Variants in JHY observed in about 807,000 individuals in gnomAD.
The protein encoded by JHY is junctional cadherin complex regulator.
Under a neutral mutation model 78.0 loss-of-function variants are expected in JHY, and 69 were observed. That is an observed-to-expected ratio of 0.88 (90% CI 0.73 to 1.08). The LOEUF is 1.08. Ranked by LOEUF, JHY falls within the 50% of genes least tolerant of loss-of-function variation. The pLI is 0.00. For synonymous variants in JHY, 368 were observed against 342.6 expected (o/e 1.07, Z -0.82); for missense variants, 944 against 927.8 (o/e 1.02, Z -0.23).
intron 5 of JHY, among the ~76,000 whole-genome samples, chr11:122,941,198 C>T (rs1863868499): frequency 6.6e-6 from 1 of 152,180 alleles, no homozygotes; most frequent in Admixed American, 6.5e-5. Context: ...CTCATTGCTA[C>T]TGAAATGTTA....
chr11:122,950,522 G>T (rs1046196414), intron 6 of JHY, among the ~76,000 whole-genome samples: 1 of 152,096 alleles, frequency 6.6e-6, no homozygotes, highest in South Asian at 2.1e-4. Context: ...TCATTCCTAG[G>T]TTCTCATCTC....
At position 122,885,958 on chromosome 11, in the gene JHY, C is replaced by T. The variant is rs751805162; in HGVS notation, c.109C>T (p.Arg37Trp). ...HPPLKKEDLH[R>W]ISKDSLESDS... ...ACCTTTGAAGAAAGAAGACTTACAT[C>T]GGATTTCAAAAGACTCCTTGGAATC... Residue 37 changes from arginine (R) to tryptophan (W), a missense_variant, in exon 2 of 9, where the codon CGG becomes TGG. Transcript: ENST00000227349. 24 of 1,614,006 alleles carry T rather than the reference C, an allele frequency of 1.5e-5. 1 individual carries two copies. The highest frequency in any genetic ancestry group is 5.5e-5 in the South Asian group (5 of 91,088).
intron 3 of JHY, among the ~76,000 whole-genome samples, chr11:122,910,248 G>A (rs143280205): frequency 1.3e-3 from 204 of 152,288 alleles, no homozygotes; most frequent in Middle Eastern, 6.8e-3. Context: ...GCCAAGGCAG[G>A]TGGATCACTT....
intron 4 of JHY, among the ~76,000 whole-genome samples, chr11:122,928,510 T>A (rs950619039): frequency 6.6e-6 from 1 of 151,284 alleles, no homozygotes; most frequent in Non-Finnish European, 1.5e-5. Flanking sequence ...ATCTACTGCA[T>A]TCCAGGCACT....
intron 2 of JHY, among the ~76,000 whole-genome samples, chr11:122,892,346 G>A (rs1862637219): frequency 6.7e-6 from 1 of 148,526 alleles, no homozygotes; most frequent in Non-Finnish European, 1.5e-5. Context: ...TTTTTGAGAT[G>A]GAGTCTTGCA....
At chr11:122,943,198 A>T (rs1402075109) in intron 5 of JHY, among the ~76,000 whole-genome samples, 1 of 152,234 alleles carries the variant, frequency 6.6e-6, no homozygotes, top group Non-Finnish European at 1.5e-5. Flanking sequence ...TTCTAATTCC[A>T]TTATGATTGC....
At chr11:122,946,294 T>C (rs550333600) in intron 5 of JHY, among the ~76,000 whole-genome samples, 1 of 152,260 alleles carries the variant, frequency 6.6e-6, no homozygotes, top group East Asian at 1.9e-4. Flanking sequence ...CTAAATAAAA[T>C]GTAGACTGTC....
intron 2 of JHY, among the ~76,000 whole-genome samples, chr11:122,888,158 A>G (rs2135280068): frequency 6.6e-6 from 1 of 152,334 alleles, no homozygotes; most frequent in East Asian, 1.9e-4. Context: ...CTAGAGGCGC[A>G]AGAGGCTTGC....
intron 5 of JHY, among the ~76,000 whole-genome samples, chr11:122,943,013 T>C (rs1007757509): frequency 6.6e-6 from 1 of 152,168 alleles, no homozygotes; most frequent in Non-Finnish European, 1.5e-5. Context: ...TAGCTGGGAC[T>C]ACAGACAGGC....
At chr11:122,957,811 T>TCACACACACA (rs113733119) in intron 8 of JHY, among the ~76,000 whole-genome samples, 36,673 of 149,604 alleles carry the variant, frequency 0.25, 5,015 homozygotes, top group Non-Finnish European at 0.32. Flanking sequence ...ACACACACAG[T>TCACACACACA]CACACACACA....
chr11:122,928,141 G>A (rs1433434814), intron 4 of JHY, among the ~76,000 whole-genome samples: 4 of 152,076 alleles, frequency 2.6e-5, no homozygotes. Context: ...AATATTTACT[G>A]ACTGATTAAA....
chr11:122,892,539 GTC>G (rs543122310), intron 2 of JHY, among the ~76,000 whole-genome samples: 77 of 151,998 alleles, frequency 5.1e-4, no homozygotes, highest in Non-Finnish European at 9.6e-4. Flanking sequence ...AGTCAGGATG[GTC>G]TTGATCTTCT....
In JHY at chr11:122,934,091, A is replaced by ACT. The variant is rs567746452; in HGVS notation, c.979-327_979-326dup. Among the ~76,000 whole-genome samples the ACT allele has an allele frequency of 1.5e-3, 231 of 152,044 alleles. 1 individual carries two copies. The highest frequency in any genetic ancestry group is 5.3e-3 in the African/African-American group (221 of 41,448). ...TCCAGGAGGAATCACTCAGTTATTA[A>ACT]CTCCAATTCCCTGAAATTAGGAAAA... On this transcript the variant is annotated intron_variant, in intron 4 of 8. Coordinates refer to ENST00000227349, the MANE Select transcript of JHY (RefSeq NM_024806.4).
intron 6 of JHY, among the ~76,000 whole-genome samples, chr11:122,949,346 T>C (rs957619772): frequency 6.6e-5 from 10 of 152,120 alleles, no homozygotes; most frequent in African/African-American, 2.4e-4. Context: ...GTTGGATTTG[T>C]ATTTTAGAAA....
chr11:122,904,048 A>C lies in JHY; in HGVS notation c.468A>C (p.Glu156Asp). The C allele has an allele frequency of 6.2e-7, 1 of 1,614,148 alleles. No homozygotes were observed. Among genetic ancestry groups the C allele is most frequent in the Non-Finnish European group, 8.5e-7 (1 of 1,180,014 alleles). ...CGGAGTCCACGGACAGCTCTTTAGA[A>C]AATCTGCCTTTGGCTCCCCTCTACC... is the stretch of plus-strand genomic sequence containing the variant. ...ALPESTDSSL[E>D]NLPLAPLYPS... The change falls in exon 3 of 9, where the codon GAA becomes GAC. Residue 156 changes from glutamate (E) to aspartate (D), a missense_variant. Coordinates refer to ENST00000227349, the MANE Select transcript of JHY (RefSeq NM_024806.4).
In JHY at chr11:122,961,065, A is replaced by G. The variant is rs1010200991; in HGVS notation, c.*1620A>G. The G allele has an allele frequency of 9.6e-7, 1 of 1,046,680 alleles. No homozygotes were observed. The allele number at this position is 1,046,680 out of a possible 1,614,324, so 64.8% of individuals were successfully genotyped here. On this transcript the variant is annotated 3_prime_UTR_variant, in exon 9 of 9. Transcript: ENST00000227349. ...GGACCTAAAGCTGTTGGCAAAGAAG[A>G]CTCATGCACAGCCAGTTATGTAAAT...
At chr11:122,916,584 A>G (rs1418750408) in intron 3 of JHY, among the ~76,000 whole-genome samples, 1 of 152,182 alleles carries the variant, frequency 6.6e-6, no homozygotes, top group Non-Finnish European at 1.5e-5. Flanking sequence ...GAAACAATTT[A>G]AGAACATAAT....
At chr11:122,896,717 T>A (rs764452577) in intron 2 of JHY, among the ~76,000 whole-genome samples, 2 of 152,190 alleles carry the variant, frequency 1.3e-5, no homozygotes, top group Non-Finnish European at 2.9e-5. Flanking sequence ...ACAACGGTGT[T>A]ATGTCACGGG....
At chr11:122,957,556 C>CT (rs374289526) in intron 8 of JHY, 65 bp downstream of exon 8, 7,616 of 980,104 alleles carry the variant, frequency 7.8e-3, no homozygotes, top group East Asian at 0.012. Context: ...TTTATTATCG[C>CT]TTTTTTTTTT....
Sources: gnomAD v4.1 joint callset for allele counts (sites outside exome capture counted in the v4.1 genomes callset) on GRCh38, gnomAD v4.1.1 for gene constraint, MANE v1.5 for transcripts, NCBI Gene and HGNC (gene_info 2026-07-23, HGNC 2026-07-21) for gene names.